Variants in DOCK2 observed in about 807,000 individuals in gnomAD.
The protein encoded by DOCK2 is dedicator of cytokinesis 2.
DOCK2 carries 87 observed loss-of-function variants against 248.9 expected under a neutral mutation model. That is an observed-to-expected ratio of 0.35 (90% CI 0.29 to 0.42). The LOEUF is 0.42. Ranked by LOEUF, DOCK2 falls within the 10% of genes least tolerant of loss-of-function variation. The pLI, the probability that DOCK2 is intolerant of heterozygous loss-of-function variation, is 1.00. For synonymous variants in DOCK2, 805 were observed against 821.6 expected, an observed-to-expected ratio of 0.98 and a Z score of 0.35; for missense variants, 1,747 against 2,300.2, an observed-to-expected ratio of 0.76 and a Z score of 4.92.
At chr5:169,756,359 C>A (rs1764193824) in intron 23 of DOCK2, among the ~76,000 whole-genome samples, 1 of 152,220 alleles carries the variant, frequency 6.6e-6, no homozygotes, top group African/African-American at 2.4e-5. Flanking sequence ...TGAAGTCCTG[C>A]CTTTCCCCAC....
chr5:169,950,140 C>A (rs1284266246), intron 27 of DOCK2, among the ~76,000 whole-genome samples: 1 of 152,166 alleles, frequency 6.6e-6, no homozygotes, highest in Non-Finnish European at 1.5e-5. Flanking sequence ...TTCTGTTCTA[C>A]TATCATGAGA....
At chr5:169,981,819 AT>A (rs1177655729) in intron 27 of DOCK2, among the ~76,000 whole-genome samples, 3 of 152,284 alleles carry the variant, frequency 2.0e-5, no homozygotes, top group South Asian at 4.1e-4. Context: ...TAAAATTTAT[AT>A]TTTTTTAAAC....
At chr5:169,965,740 A>G (rs1345725615) in intron 27 of DOCK2, among the ~76,000 whole-genome samples, 2 of 152,178 alleles carry the variant, frequency 1.3e-5, no homozygotes, top group African/African-American at 2.4e-5. Context: ...CCAATTATAG[A>G]CTTTCAGAAT....
At position 169,806,364 on chromosome 5, in the gene DOCK2, G is replaced by C. The variant is rs1018874048; in HGVS notation, c.2703+3158G>C. On this transcript the variant is annotated intron_variant, in intron 26 of 51. Transcript: ENST00000520908. ...GGGTTTCACTATATTGCCCAGGCTG[G>C]TCTCAAACCCCTGGCCTCAAGTGAT... Among the ~76,000 whole-genome samples the C allele has an allele frequency of 6.6e-5, 10 of 152,054 alleles. No individual in the cohort carries two copies. The East Asian group carries it at 1.9e-3, about 30-fold the overall frequency.
chr5:169,739,969 A>G (rs1763226327), intron 22 of DOCK2, among the ~76,000 whole-genome samples: 1 of 152,238 alleles, frequency 6.6e-6, no homozygotes, highest in Admixed American at 6.5e-5. Context: ...TGTTTTGGAA[A>G]CATTCAATTT....
intron 22 of DOCK2, among the ~76,000 whole-genome samples, chr5:169,745,384 G>A (rs552287071): frequency 2.6e-5 from 4 of 152,292 alleles, no homozygotes; most frequent in East Asian, 3.9e-4. Flanking sequence ...ACAACAGTAC[G>A]GCAGGCGCTA....
At chr5:169,675,348 C>T (rs924226412) in intron 6 of DOCK2, among the ~76,000 whole-genome samples, 1 of 152,172 alleles carries the variant, frequency 6.6e-6, no homozygotes, top group African/African-American at 2.4e-5. Context: ...TCCAAACATT[C>T]TGTTCATTTG....
intron 23 of DOCK2, among the ~76,000 whole-genome samples, chr5:169,757,377 A>T (rs1400431934): frequency 6.6e-6 from 1 of 151,728 alleles, no homozygotes; most frequent in Non-Finnish European, 1.5e-5. Context: ...AAAAAAACTC[A>T]CTGGTTTATC....
intron 7 of DOCK2, 133 bp from the exon 8 acceptor site, chr5:169,684,063 T>C (rs1759819351): frequency 9.5e-7 from 1 of 1,051,246 alleles, no homozygotes; most frequent in Non-Finnish European, 1.4e-6. Flanking sequence ...TTACAGAAGC[T>C]TTTGATGGCA....
intron 12 of DOCK2, 43 bp from the exon 13 acceptor site, chr5:169,699,971 A>G (rs1561613138): frequency 6.2e-7 from 1 of 1,610,810 alleles, no homozygotes; most frequent in Non-Finnish European, 8.5e-7. Flanking sequence ...CTGAGGGGTC[A>G]CTTGCAAAAG....
intron 26 of DOCK2, among the ~76,000 whole-genome samples, chr5:169,831,879 G>A (rs193097467): frequency 6.6e-6 from 1 of 152,290 alleles, no homozygotes; most frequent in East Asian, 1.9e-4. Context: ...TGACCAACAA[G>A]GAAAGAGAAT....
In DOCK2 at chr5:170,047,624, G is replaced by A; in HGVS notation, c.4071+10G>A. The A allele has an allele frequency of 6.2e-7, 1 of 1,613,086 alleles. No individual in the cohort carries two copies. The highest frequency in any genetic ancestry group is 8.5e-7 in the Non-Finnish European group (1 of 1,179,394). Reference sequence around the variant, plus strand: ...CCCCTCCTTCCTGCGGGTGAGTTTGGGGGTGACTTGGACACCAGGCGAGAG... The same window carrying A: ...CCCCTCCTTCCTGCGGGTGAGTTTGAGGGTGACTTGGACACCAGGCGAGAG... On this transcript the variant is annotated intron_variant, in intron 40 of 51. Coordinates refer to ENST00000520908, the MANE Select transcript of DOCK2 (RefSeq NM_004946.3).
intron 27 of DOCK2, among the ~76,000 whole-genome samples, chr5:169,886,067 G>A (rs757247404): frequency 2.0e-5 from 3 of 152,124 alleles, no homozygotes; most frequent in Non-Finnish European, 4.4e-5. Context: ...CTAAGAACAA[G>A]GGTAAAAGAC....
At chr5:169,841,512 C>T (rs906469327) in intron 27 of DOCK2, 1 of 940,230 alleles carries the variant, frequency 1.1e-6, no homozygotes, top group Non-Finnish European at 1.3e-6. Flanking sequence ...CCAACCATGT[C>T]ACTCCTCTGC....
At chr5:169,668,805 A>G (rs12523168) in intron 2 of DOCK2, among the ~76,000 whole-genome samples, 77,378 of 151,998 alleles carry the variant, frequency 0.51, 20,201 homozygotes, top group South Asian at 0.61. Flanking sequence ...TTTAGACACT[A>G]TTTGCTGCTG....
chr5:170,081,847 G>C lies in DOCK2; in HGVS notation c.5293G>C (p.Ala1765Pro), dbSNP rs757360422. 1.2e-6 allele frequency: 2 copies of C among 1,612,200 alleles called. No homozygotes were observed. ...CAGCTCTGCTCTCCTTCCAGCCCTGGCGCTCTCAGTGGCAGGCATCCCTGG... is the reference window on the plus strand; with the variant it reads ...CAGCTCTGCTCTCCTTCCAGCCCTGCCGCTCTCAGTGGCAGGCATCCCTGG... ...SQSMPTIPALALSVAGIPGLD... is the reference protein window; with the variant it reads ...SQSMPTIPALPLSVAGIPGLD... The change falls in exon 51 of 52, where the codon GCG becomes CCG. Residue 1765 changes from alanine to proline, a missense_variant. This residue lies in a region of DOCK2 where 513 missense variants were observed against 586.1 expected (regional missense o/e 0.88). Transcript: ENST00000520908.
intron 27 of DOCK2, among the ~76,000 whole-genome samples, chr5:169,967,532 G>A (rs975537320): frequency 5.3e-5 from 8 of 152,138 alleles, no homozygotes; most frequent in Admixed American, 3.3e-4. Flanking sequence ...AGGCTGAAAA[G>A]GGAAGAGGGA....
chr5:169,799,589 T>G (rs1460160704), intron 25 of DOCK2, among the ~76,000 whole-genome samples: 1 of 152,232 alleles, frequency 6.6e-6, no homozygotes, highest in Non-Finnish European at 1.5e-5. Context: ...AACTTTTTAA[T>G]GAATATTGTA....
chr5:169,814,273 C>T (rs982338579), intron 26 of DOCK2, among the ~76,000 whole-genome samples: 2 of 152,186 alleles, frequency 1.3e-5, no homozygotes, highest in African/African-American at 4.8e-5. Flanking sequence ...AAGGACTCTA[C>T]ATCTCTTCTA....
Sources: gnomAD v4.1 joint callset for allele counts (sites outside exome capture counted in the v4.1 genomes callset) on GRCh38, gnomAD v4.1.1 for gene constraint, gnomAD v4.1.1 regional missense constraint, MANE v1.5 for transcripts, NCBI Gene and HGNC (gene_info 2026-07-23, HGNC 2026-07-21) for gene names.